PSD3: variants seen among roughly 807,000 people sequenced by gnomAD.
The protein encoded by PSD3 is PH and SEC7 domain-containing protein 3.
A neutral mutation model predicts 105.5 loss-of-function variants in PSD3; 49 were observed. The ratio of observed to expected loss-of-function variants is 0.46; its 90% CI spans 0.37 to 0.59. The LOEUF is 0.59. Among genes scored for constraint, PSD3 ranks in the 20% least tolerant of loss-of-function variants. PSD3 has a pLI of 0.00. For missense variants in PSD3, 1,561 were observed against 1,263.8 expected (o/e 1.24, Z -3.57); for synonymous variants, 557 against 457.8 (o/e 1.22, Z -2.77).
chr8:19,038,232 C>T (rs1282205051), intron 1 of PSD3, among the ~76,000 whole-genome samples: 1 of 152,138 alleles, frequency 6.6e-6, no homozygotes, highest in Non-Finnish European at 1.5e-5. Context: ...ATACATGTCT[C>T]TTTATCAAAC....
intron 11 of PSD3, among the ~76,000 whole-genome samples, chr8:18,601,757 T>C (rs540030380): frequency 1.3e-5 from 2 of 152,254 alleles, no homozygotes; most frequent in South Asian, 4.1e-4. Context: ...CAGATAACCA[T>C]ACATCACATA....
At chr8:18,838,552 A>G (rs966161102) in intron 4 of PSD3, among the ~76,000 whole-genome samples, 1 of 152,134 alleles carries the variant, frequency 6.6e-6, no homozygotes, top group Admixed American at 6.5e-5. Flanking sequence ...CTGTAATCCC[A>G]GCACTTTGGG....
At chr8:19,048,640 C>A (rs531741458) in intron 1 of PSD3, among the ~76,000 whole-genome samples, 2 of 151,490 alleles carry the variant, frequency 1.3e-5, no homozygotes, top group South Asian at 2.1e-4. Context: ...AGTTGACAGC[C>A]GTAGAGATAC....
At chr8:18,548,374 C>T (rs1022913075) in intron 15 of PSD3, among the ~76,000 whole-genome samples, 3 of 152,028 alleles carry the variant, frequency 2.0e-5, no homozygotes, top group African/African-American at 7.2e-5. Context: ...TTGATTTTTA[C>T]AGGATTGTGT....
At position 18,853,620 on chromosome 8, in the gene PSD3, G is replaced by A. The variant is rs368765059; in HGVS notation, c.1634+14054C>T. ...GTTTCAGTAAAACGTTGAATTCTAA[G>A]GTGAATCACCTTTCCATACTAACAG... On this transcript the variant is annotated intron_variant, in intron 4 of 15. Coordinates refer to ENST00000327040, the MANE Select transcript of PSD3 (RefSeq NM_015310.4). 7.9e-4 allele frequency among the ~76,000 whole-genome samples: 120 copies of A among 152,202 alleles called. 2 individuals are homozygous for A. The South Asian group carries it at 0.024, about 31-fold the overall frequency.
chr8:18,749,205 G>C (rs1805278042), intron 9 of PSD3, among the ~76,000 whole-genome samples: 1 of 152,146 alleles, frequency 6.6e-6, no homozygotes, highest in African/African-American at 2.4e-5. Context: ...ACATTCAAGG[G>C]ATATGGCTGC....
intron 4 of PSD3, among the ~76,000 whole-genome samples, chr8:18,844,568 C>T (rs1430142603): frequency 1.3e-5 from 2 of 152,072 alleles, no homozygotes; most frequent in African/African-American, 4.8e-5. Flanking sequence ...GATTGAATCA[C>T]TTCTACTGAA....
intron 1 of PSD3, among the ~76,000 whole-genome samples, chr8:19,022,994 T>C (rs73666791): frequency 0.01 from 1,534 of 152,206 alleles, 28 homozygotes; most frequent in African/African-American, 0.033. Context: ...CATCTTCTCA[T>C]ACTTCTTAGC....
chr8:18,909,676 G>A (rs557653625), intron 2 of PSD3, among the ~76,000 whole-genome samples: 1 of 152,002 alleles, frequency 6.6e-6, no homozygotes, highest in Non-Finnish European at 1.5e-5. Context: ...TAGAGATGGA[G>A]TTTCACCATG....
At chr8:18,697,838 G>A (rs113242179) in intron 9 of PSD3, among the ~76,000 whole-genome samples, 1 of 152,222 alleles carries the variant, frequency 6.6e-6, no homozygotes, top group African/African-American at 2.4e-5. Context: ...TCAGCAAATT[G>A]TTTTCTGAAA....
At chr8:18,666,267 T>C (rs1323029396) in intron 9 of PSD3, among the ~76,000 whole-genome samples, 2 of 152,210 alleles carry the variant, frequency 1.3e-5, no homozygotes, top group Admixed American at 6.5e-5. Context: ...GCCAGGCTGG[T>C]CTTGAACTCC....
At chr8:18,637,366 T>C (rs1585460218) in intron 10 of PSD3, among the ~76,000 whole-genome samples, 1 of 152,212 alleles carries the variant, frequency 6.6e-6, no homozygotes, top group Non-Finnish European at 1.5e-5. Flanking sequence ...TTTCTTGTGA[T>C]GTTCAGATTT....
intron 1 of PSD3, among the ~76,000 whole-genome samples, chr8:19,051,259 T>C (rs1339781436): frequency 8.4e-6 from 1 of 119,714 alleles, no homozygotes; most frequent in Non-Finnish European, 2.1e-5. Context: ...CCAGCGCTCG[T>C]CCTTCAGTTC....
In PSD3 at chr8:18,530,693, T is replaced by G. The variant is rs947603932; in HGVS notation, c.*5050A>C. On this transcript the variant is annotated 3_prime_UTR_variant, in exon 16 of 16. Transcript: ENST00000327040. Reference sequence around the variant, plus strand: ...AAGACTGCACAGGCTGCCTTTTTTTTTTTTTTTCTTTTCTTTCTGTATTTC... The same window carrying G: ...AAGACTGCACAGGCTGCCTTTTTTTGTTTTTTTCTTTTCTTTCTGTATTTC... 4 of 152,450 alleles carry G rather than the reference T, an allele frequency of 2.6e-5. No individual in the cohort carries two copies. The highest frequency in any genetic ancestry group is 5.9e-5 in the Non-Finnish European group (4 of 68,016). 9.4% of individuals were successfully genotyped at this position (152,450 alleles called of 1,614,324 possible). A position where few individuals can be genotyped will look rare whatever the true frequency, so the allele number is the denominator to read the frequency against.
At chr8:18,778,761 T>C (rs956085029) in intron 8 of PSD3, among the ~76,000 whole-genome samples, 13 of 152,108 alleles carry the variant, frequency 8.5e-5, no homozygotes, top group Non-Finnish European at 4.4e-5. Flanking sequence ...ATCATGTTTA[T>C]TGATTTACAT....
At chr8:18,824,120 G>C (rs906630004) in intron 4 of PSD3, among the ~76,000 whole-genome samples, 3 of 152,112 alleles carry the variant, frequency 2.0e-5, no homozygotes, top group African/African-American at 4.8e-5. Flanking sequence ...CTACAATCAG[G>C]TATGATCATG....
chr8:19,068,879 C>T (rs1475612166), intron 1 of PSD3, among the ~76,000 whole-genome samples: 1 of 151,836 alleles, frequency 6.6e-6, no homozygotes, highest in Non-Finnish European at 1.5e-5. Context: ...CTCTTTTTTG[C>T]CCACATCTGC....
chr8:18,759,976 G>A (rs1412012966), intron 9 of PSD3, among the ~76,000 whole-genome samples: 1 of 150,536 alleles, frequency 6.6e-6, no homozygotes, highest in East Asian at 2.0e-4. Context: ...AGATTCGATA[G>A]AAGATAGAAA....
chr8:18,771,307 C>T (rs561740450), intron 8 of PSD3, among the ~76,000 whole-genome samples: 2 of 152,296 alleles, frequency 1.3e-5, no homozygotes, highest in African/African-American at 2.4e-5. Flanking sequence ...CCTCTTCTGC[C>T]CAGAATTTCC....
Sources: gnomAD v4.1 joint callset for allele counts (sites outside exome capture counted in the v4.1 genomes callset) on GRCh38, gnomAD v4.1.1 for gene constraint, MANE v1.5 for transcripts, NCBI Gene and HGNC (gene_info 2026-07-23, HGNC 2026-07-21) for gene names.